The following EDRF1 variants were observed in gnomAD, a reference collection of about 807,000 sequenced individuals.
The protein encoded by EDRF1 is erythroid differentiation-related factor 1.
Under a neutral mutation model 148.7 loss-of-function variants are expected in EDRF1, and 69 were observed. The observed-to-expected ratio is 0.46, with a 90% CI of 0.38 to 0.57. The LOEUF (loss-of-function observed/expected upper bound fraction) is 0.57. Among genes scored for constraint, EDRF1 ranks in the 20% least tolerant of loss-of-function variants. The pLI, the probability that EDRF1 is intolerant of heterozygous loss-of-function variation, is 0.00. For synonymous variants in EDRF1, 515 were observed against 532.8 expected, an observed-to-expected ratio of 0.97 and a Z score of 0.46; for missense variants, 1,118 against 1,478.7, an observed-to-expected ratio of 0.76 and a Z score of 4.00.
chr10:125,736,350 ACT>A (rs913435358), intron 13 of EDRF1, among the ~76,000 whole-genome samples: 7 of 151,188 alleles, frequency 4.6e-5, no homozygotes, highest in African/African-American at 1.7e-4. Flanking sequence ...TTTTTTCGTG[ACT>A]CTTGTGGTCA....
intron 2 of EDRF1, among the ~76,000 whole-genome samples, chr10:125,721,892 A>C (rs1564728895): frequency 6.6e-6 from 1 of 152,234 alleles, no homozygotes; most frequent in Non-Finnish European, 1.5e-5. Context: ...GATGGTGTTC[A>C]AAGTTGAGAG....
chr10:125,727,062 G>A (rs1323899257), intron 6 of EDRF1, among the ~76,000 whole-genome samples: 5 of 151,936 alleles, frequency 3.3e-5, no homozygotes, highest in South Asian at 2.1e-4. Context: ...TTGGAGCTGC[G>A]TATTGTACAA....
chr10:125,726,997 T>A (rs1349007936), intron 6 of EDRF1, among the ~76,000 whole-genome samples: 1 of 152,014 alleles, frequency 6.6e-6, no homozygotes. Flanking sequence ...AGCTGGCATT[T>A]ACTGAATAGC....
intron 24 of EDRF1, among the ~76,000 whole-genome samples, chr10:125,762,584 G>C (rs1850242262): frequency 6.6e-6 from 1 of 152,138 alleles, no homozygotes; most frequent in Non-Finnish European, 1.5e-5. Flanking sequence ...CCATCATAAG[G>C]GGTAAATGTT....
Position 125,733,547 on chromosome 10 carries a change from T to C in EDRF1, c.1272T>C (p.Phe424=). 3 of 1,603,902 alleles carry C rather than the reference T, an allele frequency of 1.9e-6. No individual in the cohort carries two copies. Among genetic ancestry groups the C allele is most frequent in the Non-Finnish European group, 2.6e-6 (3 of 1,170,890 alleles). Reference sequence around the variant, plus strand: ...AAGAAGGACATACCTATTGGCTCTTTAAAGGTAAGCTATTAATACTTCTTG... The same window carrying C: ...AAGAAGGACATACCTATTGGCTCTTCAAAGGTAAGCTATTAATACTTCTTG... The part of the protein sequence containing the change: ...CTKEGHTYWL[F]KASGSDIVKL... Residue 424 remains phenylalanine, a synonymous_variant, in exon 10 of 25, where the codon TTT becomes TTC. Coordinates refer to ENST00000356792, the MANE Select transcript of EDRF1 (RefSeq NM_001202438.2).
Position 125,743,071 on chromosome 10 carries a change from A to G in EDRF1, c.2385A>G (p.Ala795=). The G allele has an allele frequency of 1.2e-6, 2 of 1,613,740 alleles. No homozygotes were observed. ...TTTTCTTTTCAGGATTTGCATGGGC[A>G]ACTGATTTGTCTACAGACTTAGAAA... ...RESSCQGFAW[A]TDLSTDLESQ... is the part of the protein sequence containing the mutation. Residue 795 remains alanine (A), a synonymous_variant, in exon 18 of 25, where the codon GCA becomes GCG. Coordinates refer to ENST00000356792, the MANE Select transcript of EDRF1 (RefSeq NM_001202438.2).
At chr10:125,732,905 T>C (rs1257798189) in intron 9 of EDRF1, among the ~76,000 whole-genome samples, 2 of 152,000 alleles carry the variant, frequency 1.3e-5, no homozygotes, top group Non-Finnish European at 2.9e-5. Flanking sequence ...CCCTGTGAAG[T>C]AATAAAGTCC....
Position 125,733,670 on chromosome 10 carries a change from A to C in EDRF1, c.1312A>C (p.Thr438Pro), listed in dbSNP as rs1348791419. 9.3e-6 allele frequency: 15 copies of C among 1,613,464 alleles called. No individual in the cohort carries two copies. Among genetic ancestry groups the C allele is most frequent in the Non-Finnish European group, 1.3e-5 (15 of 1,179,616 alleles). The part of the protein sequence containing the change: ...GSDIVKLYDL[T>P]TLCEETEDKY... Reference sequence around the variant, plus strand: ...CGATATAGTGAAGCTCTATGACCTCACTACTCTTTGTGAAGAAACTGAAGA... The same window carrying C: ...CGATATAGTGAAGCTCTATGACCTCCCTACTCTTTGTGAAGAAACTGAAGA... The change falls in exon 11 of 25, where the codon ACT (threonine) becomes CCT (proline). Residue 438 changes from threonine (T) to proline (P), a missense_variant. By Grantham distance (38) the Thr-to-Pro change is conservative. Transcript: ENST00000356792.
intron 22 of EDRF1, 122 bp downstream of exon 22, chr10:125,749,687 A>T: frequency 8.5e-7 from 1 of 1,182,802 alleles, no homozygotes; most frequent in Non-Finnish European, 1.2e-6. Flanking sequence ...CCCATAGTTA[A>T]TGACTTCGGG....
intron 24 of EDRF1, among the ~76,000 whole-genome samples, chr10:125,755,217 A>G (rs1042473791): frequency 7.2e-5 from 11 of 152,192 alleles, no homozygotes; most frequent in African/African-American, 2.7e-4. Context: ...ATGAATGGAT[A>G]TTGAATTTGT....
rs370750764 is a variant in EDRF1 at position 125,764,045 on chromosome 10, T to C, written c.*573T>C. The C allele has an allele frequency of 6.5e-6, 1 of 154,062 alleles. No individual in the cohort carries two copies. Among genetic ancestry groups the C allele is most frequent in the Non-Finnish European group, 1.4e-5 (1 of 69,004 alleles). 9.5% of individuals were successfully genotyped at this position (154,062 alleles called of 1,614,324 possible). On this transcript the variant is annotated 3_prime_UTR_variant, in exon 25 of 25. Transcript: ENST00000356792. ...ACTTTTGACTTTATATGACAGTTGA[T>C]CAAGAACAGGTACTACCCCTTTTTT...
intron 22 of EDRF1, 98 bp from the exon 23 acceptor site, chr10:125,752,701 T>C (rs1849702029): frequency 1.3e-6 from 1 of 785,682 alleles, no homozygotes; most frequent in African/African-American, 1.7e-5. Context: ...GCTTCCTTTA[T>C]AGCATTTTGA....
chr10:125,725,929 C>A, intron 6 of EDRF1, 91 bp downstream of exon 6: 2 of 1,345,542 alleles, frequency 1.5e-6, no homozygotes, highest in Non-Finnish European at 2.1e-6. Context: ...ATGAACAGGA[C>A]TAAGAAATAT....
chr10:125,755,858 G>C (rs1017399971), intron 24 of EDRF1, among the ~76,000 whole-genome samples: 1 of 152,064 alleles, frequency 6.6e-6, no homozygotes, highest in Non-Finnish European at 1.5e-5. Context: ...ATTCTAGCTA[G>C]AAGTTTTCGA....
chr10:125,727,236 A>C (rs146009895), intron 6 of EDRF1, among the ~76,000 whole-genome samples: 4 of 152,196 alleles, frequency 2.6e-5, no homozygotes, highest in Non-Finnish European at 5.9e-5. Flanking sequence ...CCCTACTAAC[A>C]GTCAGATCAT....
intron 15 of EDRF1, among the ~76,000 whole-genome samples, chr10:125,739,262 T>C (rs1848894570): frequency 6.6e-6 from 1 of 152,224 alleles, no homozygotes. Context: ...CCAGCATTTA[T>C]ATAGTGCTGC....
At position 125,743,481 on chromosome 10, in the gene EDRF1, T is replaced by TA. The variant is rs1234134046; in HGVS notation, c.2590+206dup. On this transcript the variant is annotated intron_variant, in intron 18 of 24. Transcript: ENST00000356792. ...GAATTATTTCAATGTTCTTCATTCT[T>TA]ACTTTTGTACTCACTCCATCTGATC... is the stretch of plus-strand genomic sequence containing the variant. Among the ~76,000 whole-genome samples the TA allele has an allele frequency of 2.0e-5, 3 of 152,326 alleles. No homozygotes were observed. In the East Asian group the frequency reaches 5.8e-4, roughly 29 times the overall value.
At position 125,735,922 on chromosome 10, in the gene EDRF1, A is replaced by G; in HGVS notation, c.1758+18A>G. On this transcript the variant is annotated intron_variant, in intron 13 of 24. Transcript: ENST00000356792. Reference sequence around the variant, plus strand: ...AAATCAGAGTAAGCCTTTAGAATTTATATTAAATTTTTATCAAGGAAACAT... The same window carrying G: ...AAATCAGAGTAAGCCTTTAGAATTTGTATTAAATTTTTATCAAGGAAACAT... 1 of 1,584,312 alleles carries G rather than the reference A, an allele frequency of 6.3e-7. No individual in the cohort carries two copies. Among genetic ancestry groups the G allele is most frequent in the Non-Finnish European group, 8.6e-7 (1 of 1,157,708 alleles).
rs778207439 is a variant in EDRF1, at chr10:125,741,029, G to A, written c.2199G>A (p.Met733Ile). 2 of 1,614,008 alleles carry A rather than the reference G, an allele frequency of 1.2e-6. No individual in the cohort carries two copies. The highest frequency in any genetic ancestry group is 1.1e-5 in the South Asian group (1 of 91,078). ...HDTYCCLCTNMLSEVLLFLSQ... is the reference protein window; with the variant it reads ...HDTYCCLCTNILSEVLLFLSQ... Reference sequence around the variant, plus strand: ...CTTATTGCTGCCTCTGCACCAATATGCTTTCCGAAGTGCTGTTGTTTCTCT... The same window carrying A: ...CTTATTGCTGCCTCTGCACCAATATACTTTCCGAAGTGCTGTTGTTTCTCT... The change falls in exon 17 of 25, where the codon ATG becomes ATA. Residue 733 changes from methionine to isoleucine, a missense_variant. Around this residue, in one of 3 missense-constraint regions of EDRF1, gnomAD observed 954 missense variants for 1,241.4 expected, o/e 0.77. Coordinates refer to ENST00000356792, the MANE Select transcript of EDRF1 (RefSeq NM_001202438.2).
Sources: gnomAD v4.1 joint callset for allele counts (sites outside exome capture counted in the v4.1 genomes callset) on GRCh38, gnomAD v4.1.1 for gene constraint, gnomAD v4.1.1 regional missense constraint, MANE v1.5 for transcripts, NCBI Gene and HGNC (gene_info 2026-07-23, HGNC 2026-07-21) for gene names.